The following CELF2 variants were observed in gnomAD, a reference collection of about 807,000 sequenced individuals.
CELF2 encodes the protein CUGBP Elav-like family member 2.
In CELF2, 8 loss-of-function variants were observed where a neutral mutation model predicts 62.6. The ratio of observed to expected loss-of-function variants is 0.13; its 90% CI spans 0.07 to 0.23. The LOEUF (loss-of-function observed/expected upper bound fraction) is 0.23. Ranked by LOEUF, CELF2 falls within the 10% of genes least tolerant of loss-of-function variation. The pLI is 1.00. For missense variants in CELF2, 333 were observed against 671.0 expected (o/e 0.50, Z 5.56); for synonymous variants, 258 against 250.0 (o/e 1.03, Z -0.30).
intron 2 of CELF2, among the ~76,000 whole-genome samples, chr10:10,962,066 CA>C (rs575208658): frequency 7.0e-6 from 1 of 142,220 alleles, no homozygotes; most frequent in Non-Finnish European, 1.5e-5. Flanking sequence ...CCCATCTCTA[CA>C]AAAAAAGAAA....
Position 11,098,891 on chromosome 10 carries a change from CCT to C in CELF2, c.75-66593_75-66592del, listed in dbSNP as rs1201725426. Among the ~76,000 whole-genome samples the C allele has an allele frequency of 3.3e-5, 5 of 152,162 alleles. No individual in the cohort carries two copies. Among genetic ancestry groups the C allele is most frequent in the African/African-American group, 1.2e-4 (5 of 41,414 alleles). ...CAGCTTCCCCGAACCTCTCTCATCC[CCT>C]CAGTTTGGGCACAGTCCAGCAGGAG... On this transcript the variant is annotated intron_variant, in intron 1 of 12. Transcript: ENST00000633077. This position sits in a 1 kb window ranked among gnomAD's most constrained non-coding sequence, Gnocchi z 4.0.
the CELF2 span, among the ~76,000 whole-genome samples, chr10:10,696,335 C>A: frequency 1.3e-5 from 2 of 151,750 alleles, no homozygotes; most frequent in African/African-American, 4.9e-5. Context: ...GGTCAGGGAC[C>A]CACTTGAGGA....
chr10:11,046,217 C>T lies in CELF2; in HGVS notation c.74+28054C>T, dbSNP rs901217350. ...TTGTCTAACAACACCGAACGCTGGGCCCATCCCCAGACGTTCCGATTCAGC... is the reference window on the plus strand; with the variant it reads ...TTGTCTAACAACACCGAACGCTGGGTCCATCCCCAGACGTTCCGATTCAGC... On this transcript the variant is annotated intron_variant, in intron 1 of 12. Coordinates refer to ENST00000633077, the MANE Select transcript of CELF2 (RefSeq NM_001326342.2). This position sits in a 1 kb window ranked among gnomAD's most constrained non-coding sequence, Gnocchi z 4.6. Among the ~76,000 whole-genome samples, 3 of 152,174 alleles carry T rather than the reference C, an allele frequency of 2.0e-5. No homozygotes were observed. The highest frequency in any genetic ancestry group is 6.5e-5 in the Admixed American group (1 of 15,276).
At chr10:11,273,968 A>ACCCCCCCCCCCC (rs10612614) in intron 7 of CELF2, among the ~76,000 whole-genome samples, 40 of 96,444 alleles carry the variant, frequency 4.1e-4, no homozygotes, top group Non-Finnish European at 6.1e-4. Flanking sequence ...AGTGATCCCC[A>ACCCCCCCCCCCC]CCCCCCCCCC....
chr10:11,215,187 C>T (rs745504569), intron 2 of CELF2, among the ~76,000 whole-genome samples: 1 of 152,198 alleles, frequency 6.6e-6, no homozygotes, highest in Non-Finnish European at 1.5e-5. Flanking sequence ...CTAGTGGACT[C>T]TCAGGCAGCG....
intron 1 of CELF2, among the ~76,000 whole-genome samples, chr10:10,818,634 G>C (rs2056699259): frequency 6.9e-6 from 1 of 145,256 alleles, no homozygotes; most frequent in South Asian, 2.2e-4. Flanking sequence ...ACTCACTGCA[G>C]CCTCCACCTC....
chr10:10,600,264 G>A, the CELF2 span, among the ~76,000 whole-genome samples: 1 of 152,200 alleles, frequency 6.6e-6, no homozygotes, highest in African/African-American at 2.4e-5. Flanking sequence ...GAAAAGAGAT[G>A]TTTTCTTGTG....
chr10:10,614,230 T>C, the CELF2 span, among the ~76,000 whole-genome samples: 1 of 152,008 alleles, frequency 6.6e-6, no homozygotes, highest in East Asian at 1.9e-4. Context: ...CATTTTCCCT[T>C]TGGTAATTTT....
At chr10:10,678,379 G>A in the CELF2 span, among the ~76,000 whole-genome samples, 2 of 152,126 alleles carry the variant, frequency 1.3e-5, no homozygotes, top group Non-Finnish European at 2.9e-5. Flanking sequence ...GACTGCTAAA[G>A]TTCAATGATC....
the CELF2 span, among the ~76,000 whole-genome samples, chr10:10,666,638 G>A: frequency 9.2e-5 from 7 of 76,010 alleles, 1 homozygote; most frequent in African/African-American, 2.7e-4. Flanking sequence ...CGAGGCGGGC[G>A]GATCACGAGG....
intron 2 of CELF2, among the ~76,000 whole-genome samples, chr10:11,208,601 T>C (rs1057305584): frequency 2.0e-5 from 3 of 152,050 alleles, no homozygotes; most frequent in Non-Finnish European, 2.9e-5. Context: ...GGAATGGGGG[T>C]CTTATGACCT....
the CELF2 span, among the ~76,000 whole-genome samples, chr10:10,539,907 A>C: frequency 6.6e-6 from 1 of 152,300 alleles, no homozygotes; most frequent in South Asian, 2.1e-4. Flanking sequence ...CTAGATTTTT[A>C]TTTCTTTTTC....
the CELF2 span, among the ~76,000 whole-genome samples, chr10:10,623,243 G>A: frequency 6.6e-6 from 1 of 152,048 alleles, no homozygotes; most frequent in Non-Finnish European, 1.5e-5. Context: ...GTTCCCAAAG[G>A]AGGCTCTTCT....
At chr10:10,781,477 G>T in the CELF2 span, among the ~76,000 whole-genome samples, 1 of 152,226 alleles carries the variant, frequency 6.6e-6, no homozygotes, top group East Asian at 1.9e-4. Flanking sequence ...GAGGAGCAAA[G>T]GCACGTCTTA....
intron 1 of CELF2, among the ~76,000 whole-genome samples, chr10:11,162,572 A>C (rs2065964982): frequency 6.6e-6 from 1 of 150,650 alleles, no homozygotes; most frequent in Non-Finnish European, 1.5e-5. Context: ...TATGTGACTG[A>C]GTAAATGTAG....
intron 2 of CELF2, among the ~76,000 whole-genome samples, chr10:11,174,369 G>A (rs2133781140): frequency 6.6e-6 from 1 of 152,306 alleles, no homozygotes; most frequent in African/African-American, 2.4e-5. Flanking sequence ...GTCAGACAGT[G>A]GAGATGGCCT....
chr10:11,052,260 T>C (rs1480272403), intron 1 of CELF2, among the ~76,000 whole-genome samples: 1 of 152,238 alleles, frequency 6.6e-6, no homozygotes, highest in African/African-American at 2.4e-5. Context: ...TTTCTTTTGC[T>C]AAATTGTGTC....
At chr10:10,832,830 G>A (rs1377960403) in intron 1 of CELF2, among the ~76,000 whole-genome samples, 1 of 152,128 alleles carries the variant, frequency 6.6e-6, no homozygotes, top group African/African-American at 2.4e-5. Flanking sequence ...GGAGGGGAGA[G>A]AAGATAAAAT....
rs2082922704 is a variant in CELF2 at position 11,268,907 on chromosome 10, TG to T, written c.619-1758del. On this transcript the variant is annotated intron_variant, in intron 6 of 12. Coordinates refer to ENST00000633077, the MANE Select transcript of CELF2 (RefSeq NM_001326342.2). The surrounding 1 kb of genome is among the most constrained non-coding windows in gnomAD (Gnocchi z 4.7). ...ACAATTAATTTTATATCGTGCCTTC[TG>T]TTTCTCCACTTGCCTTCACTCTATC... Among the ~76,000 whole-genome samples, 1 of 152,260 alleles carries T rather than the reference TG, an allele frequency of 6.6e-6. No individual in the cohort carries two copies. The highest frequency in any genetic ancestry group is 6.5e-5 in the Admixed American group (1 of 15,288).
Sources: allele counts gnomAD v4.1 joint callset (sites outside exome capture counted in the v4.1 genomes callset), GRCh38; gene constraint gnomAD v4.1.1; non-coding constraint Gnocchi (gnomAD v3.1); transcripts MANE v1.5; gene names NCBI Gene and HGNC (gene_info 2026-07-23, HGNC 2026-07-21).